Variants in ULK4 observed in about 807,000 individuals in gnomAD.
ULK4 encodes unc-51 like kinase 4.
In ULK4, 133 loss-of-function variants were observed where a neutral mutation model predicts 160.6. The ratio of observed to expected loss-of-function variants is 0.83; its 90% CI spans 0.72 to 0.96. ULK4 has a LOEUF of 0.96. Among genes scored for constraint, ULK4 ranks in the 40% least tolerant of loss-of-function variants. ULK4 has a pLI of 0.00. For missense variants in ULK4, 1,580 were observed against 1,499.5 expected (o/e 1.05, Z -0.89); for synonymous variants, 534 against 539.8 (o/e 0.99, Z 0.15).
At chr3:41,279,255 T>TAAAAAAAAAA (rs771175184) in intron 35 of ULK4, among the ~76,000 whole-genome samples, 2 of 43,056 alleles carry the variant, frequency 4.6e-5, no homozygotes, top group East Asian at 5.4e-4. Context: ...AAAAAAAGAG[T>TAAAAAAAAAA]AAAAAAAAAA....
At chr3:41,384,603 G>C (rs916523121) in intron 35 of ULK4, among the ~76,000 whole-genome samples, 1 of 151,906 alleles carries the variant, frequency 6.6e-6, no homozygotes, top group Non-Finnish European at 1.5e-5. Flanking sequence ...ATTTTTTTTC[G>C]AGACAGAGTC....
intron 32 of ULK4, among the ~76,000 whole-genome samples, chr3:41,524,640 T>G (rs2086048752): frequency 6.6e-6 from 1 of 151,972 alleles, no homozygotes. Context: ...GGAACACACT[T>G]AAGAAAGGAA....
chr3:41,395,581 T>C (rs1304052312), intron 35 of ULK4, among the ~76,000 whole-genome samples: 2 of 152,064 alleles, frequency 1.3e-5, no homozygotes, highest in African/African-American at 4.8e-5. Context: ...GTCAAATTCA[T>C]AGAAACAGAA....
intron 31 of ULK4, among the ~76,000 whole-genome samples, chr3:41,576,961 A>G (rs1006568812): frequency 6.6e-6 from 1 of 152,248 alleles, no homozygotes; most frequent in African/African-American, 2.4e-5. Flanking sequence ...GTGAAAATAA[A>G]TGGAAAGATT....
chr3:41,296,195 G>T (rs1163223501), intron 35 of ULK4, among the ~76,000 whole-genome samples: 1 of 152,220 alleles, frequency 6.6e-6, no homozygotes, highest in Non-Finnish European at 1.5e-5. Flanking sequence ...GCGGGATGCA[G>T]TGCATGTGTG....
intron 30 of ULK4, among the ~76,000 whole-genome samples, chr3:41,661,351 A>G (rs964896811): frequency 3.3e-5 from 5 of 152,040 alleles, no homozygotes; most frequent in African/African-American, 9.7e-5. Flanking sequence ...GTTTTTTTTT[A>G]GTCAATCACC....
chr3:41,789,987 A>G, intron 20 of ULK4, 144 bp from the exon 21 acceptor site: 1 of 656,410 alleles, frequency 1.5e-6, no homozygotes, highest in Non-Finnish European at 2.2e-6. Context: ...GAAAGTTGGC[A>G]ATTTTCAACA....
intron 22 of ULK4, among the ~76,000 whole-genome samples, chr3:41,718,664 T>C (rs2037351362): frequency 6.6e-6 from 1 of 152,202 alleles, no homozygotes. Context: ...GTCTCCCTGG[T>C]TACCATCATC....
intron 32 of ULK4, among the ~76,000 whole-genome samples, chr3:41,527,111 C>T (rs748435782): frequency 6.6e-5 from 10 of 152,182 alleles, no homozygotes; most frequent in Non-Finnish European, 1.2e-4. Context: ...CTATTTTTAT[C>T]GACAAGGAAA....
intron 35 of ULK4, among the ~76,000 whole-genome samples, chr3:41,279,501 A>G (rs185343362): frequency 6.6e-6 from 1 of 152,288 alleles, no homozygotes. Flanking sequence ...CCCAAGACAC[A>G]TAATTGTCAG....
At chr3:41,591,436 C>G (rs1316337747) in intron 31 of ULK4, among the ~76,000 whole-genome samples, 1 of 151,322 alleles carries the variant, frequency 6.6e-6, no homozygotes, top group Non-Finnish European at 1.5e-5. Context: ...CTGGGCCACA[C>G]TGGAAGAAGA....
intron 21 of ULK4, among the ~76,000 whole-genome samples, chr3:41,763,530 T>C (rs930045179): frequency 2.6e-5 from 4 of 152,228 alleles, no homozygotes; most frequent in African/African-American, 7.2e-5. Flanking sequence ...ATGTTAGCTA[T>C]AGTAGTAGTT....
At chr3:41,918,265 C>T (rs1465252888) in intron 7 of ULK4, among the ~76,000 whole-genome samples, 192 bp downstream of exon 7, 4 of 152,058 alleles carry the variant, frequency 2.6e-5, no homozygotes, top group African/African-American at 9.7e-5. Flanking sequence ...TCTATTAGTA[C>T]TTTGTTTTCT....
intron 16 of ULK4, among the ~76,000 whole-genome samples, chr3:41,891,569 T>G (rs539861537): frequency 8.0e-5 from 12 of 150,528 alleles, no homozygotes; most frequent in Non-Finnish European, 1.6e-4. Context: ...CTCCAAAGCA[T>G]GGCACAGAGG....
intron 35 of ULK4, among the ~76,000 whole-genome samples, chr3:41,315,599 T>C (rs112526868): frequency 3.8e-4 from 58 of 152,198 alleles, no homozygotes; most frequent in Non-Finnish European, 5.3e-4. Context: ...GTCTGTGGCA[T>C]TTCAACCACA....
intron 35 of ULK4, among the ~76,000 whole-genome samples, chr3:41,331,491 C>G (rs1429548557): frequency 6.6e-6 from 1 of 152,176 alleles, no homozygotes; most frequent in Non-Finnish European, 1.5e-5. Flanking sequence ...AGAAAAATAT[C>G]TGTCTAAGGT....
intron 32 of ULK4, among the ~76,000 whole-genome samples, chr3:41,542,258 G>C (rs1462122463): frequency 6.6e-6 from 1 of 152,152 alleles, no homozygotes; most frequent in African/African-American, 2.4e-5. Context: ...GGCCTTTTCT[G>C]CATCTATTGA....
intron 17 of ULK4, among the ~76,000 whole-genome samples, chr3:41,878,081 GAAA>G (rs35037891): frequency 0.016 from 1,766 of 108,254 alleles, 32 homozygotes; most frequent in African/African-American, 0.055. Context: ...GCTCTACCAG[GAAA>G]AAAAAAAAAA....
intron 35 of ULK4, among the ~76,000 whole-genome samples, chr3:41,347,535 A>AT (rs1374866525): frequency 1.3e-5 from 2 of 151,780 alleles, no homozygotes; most frequent in Non-Finnish European, 2.9e-5. Context: ...CACCCTATCT[A>AT]ACACTTCCTT....
Sources: allele counts gnomAD v4.1 joint callset (sites outside exome capture counted in the v4.1 genomes callset), GRCh38; gene constraint gnomAD v4.1.1; transcripts MANE v1.5; gene names NCBI Gene and HGNC (gene_info 2026-07-23, HGNC 2026-07-21).